NDUFA6: variants seen among roughly 807,000 people sequenced by gnomAD.
NDUFA6 encodes NADH dehydrogenase [ubiquinone] 1 alpha subcomplex subunit 6.
A neutral mutation model predicts 12.5 loss-of-function variants in NDUFA6; 10 were observed. The ratio of observed to expected loss-of-function variants is 0.80; its 90% confidence interval spans 0.49 to 1.35. The LOEUF is 1.35. NDUFA6 is among the 40% of genes most tolerant of loss of function. NDUFA6 has a pLI of 0.00. For missense variants in NDUFA6, 177 were observed against 173.5 expected (o/e 1.02, Z -0.11); for synonymous variants, 66 against 63.0 (o/e 1.05, Z -0.23).
intron 2 of NDUFA6, 136 bp downstream of exon 2, chr22:42,086,924 C>T: frequency 1.4e-6 from 1 of 727,774 alleles, no homozygotes. Flanking sequence ...TCAAGTATTT[C>T]TCTGAAACAC....
rs775481689 is a variant in NDUFA6, at chr22:42,087,085, C to T, written c.230G>A (p.Arg77Lys). The T allele has an allele frequency of 6.2e-7, 1 of 1,614,024 alleles. No individual in the cohort carries two copies. The highest frequency in any genetic ancestry group is 8.5e-7 in the Non-Finnish European group (1 of 1,179,872). Residue 77 changes from arginine (R) to lysine (K), a missense_variant, in exon 2 of 3, where the codon AGG (arginine) becomes AAG (lysine). Around this residue, in one of 3 missense-constraint regions of NDUFA6, gnomAD observed 62 missense variants for 69.4 expected, o/e 0.89. Transcript: ENST00000498737. Reference sequence around the variant, plus strand: ...CTTAATGACCAGAAGATCAACCACCCTGGGGTCTGTGACATGGGCATTCTT... The same window carrying T: ...CTTAATGACCAGAAGATCAACCACCTTGGGGTCTGTGACATGGGCATTCTT... ...FMKNAHVTDP[R>K]VVDLLVIKGK...
At chr22:42,088,336 A>AG in intron 1 of NDUFA6, among the ~76,000 whole-genome samples, 1 of 151,656 alleles carries the variant, frequency 6.6e-6, no homozygotes, top group East Asian at 2.0e-4. Flanking sequence ...GAACCCGGGA[A>AG]GCGGAGCTTG....
intron 1 of NDUFA6, 80 bp downstream of exon 1, chr22:42,090,526 G>GA (rs1928574350): frequency 2.5e-5 from 38 of 1,534,210 alleles, no homozygotes; most frequent in Non-Finnish European, 2.2e-5. Flanking sequence ...CCTCAGCTGG[G>GA]CCCATGAGAA....
chr22:42,089,176 T>G (rs777262240), intron 1 of NDUFA6, among the ~76,000 whole-genome samples: 18 of 151,834 alleles, frequency 1.2e-4, no homozygotes, highest in Non-Finnish European at 2.2e-4. Context: ...GGCCACTGAT[T>G]TACCCTTCAC....
rs1928591353 is a variant in NDUFA6 at position 42,090,662 on chromosome 22, GCCTCGTTCATGTCCC to G, written c.68_82del (p.Arg23_Ala28delinsPro). 6.2e-7 allele frequency: 1 copy of G among 1,614,068 alleles called. No individual in the cohort carries two copies. Among genetic ancestry groups the G allele is most frequent in the Non-Finnish European group, 8.5e-7 (1 of 1,180,046 alleles). ...GTAGAGCTCGCGCACCCTCCGCTTG[GCCTCGTTCATGTCCC>G]GACTGAAAATGGGCTTCACGAAGGT... is the stretch of plus-strand genomic sequence containing the variant. On this transcript the variant is annotated inframe_deletion, in exon 1 of 3. Transcript: ENST00000498737.
chr22:42,086,397 C>G, intron 2 of NDUFA6, 83 bp from the exon 3 acceptor site: 2 of 1,571,510 alleles, frequency 1.3e-6, no homozygotes, highest in African/African-American at 2.7e-5. Flanking sequence ...CTATTCTCTG[C>G]TCAGCATGGA....
chr22:42,090,463 G>T, intron 1 of NDUFA6, 143 bp downstream of exon 1: 1 of 1,016,484 alleles, frequency 9.8e-7, no homozygotes, highest in African/African-American at 1.6e-5. Context: ...TGGTAGGCTC[G>T]GGTGACCCTC....
rs548695663 is a variant in NDUFA6, at chr22:42,087,757, G to A, written c.140-582C>T. Among the ~76,000 whole-genome samples the A allele has an allele frequency of 3.7e-3, 560 of 150,238 alleles. 2 individuals carry two copies. The highest frequency in any genetic ancestry group is 0.024 in the Middle Eastern group (7 of 292). ...GTGGACCTTGCAGTGAGCCGAGGTC[G>A]CACCACTGCACTCCAGCCTGGGTGA... On this transcript the variant is annotated intron_variant, in intron 1 of 2. Coordinates refer to ENST00000498737, the MANE Select transcript of NDUFA6 (RefSeq NM_002490.6).
chr22:42,088,714 T>A (rs796558480), intron 1 of NDUFA6, among the ~76,000 whole-genome samples: 6 of 132,928 alleles, frequency 4.5e-5, no homozygotes, highest in African/African-American at 1.8e-4. Flanking sequence ...AGAGCGAGAC[T>A]CTGTCTCAAA....
chr22:42,086,453 T>C, intron 2 of NDUFA6, 139 bp from the exon 3 acceptor site: 1 of 1,077,688 alleles, frequency 9.3e-7, no homozygotes, highest in Non-Finnish European at 1.4e-6. Context: ...CTGGGCAAAG[T>C]TTCTATGTCT....
Position 42,086,403 on chromosome 22 carries a change from A to G in NDUFA6, c.256-89T>C. On this transcript the variant is annotated intron_variant, in intron 2 of 2. Transcript: ENST00000498737. ...GCCAGGATTCTATTCTCTGCTCAGC[A>G]TGGACTTGTTGAATGACCTTGGGCA... is the stretch of plus-strand genomic sequence containing the variant. 5 of 1,562,414 alleles carry G rather than the reference A, an allele frequency of 3.2e-6. No individual in the cohort carries two copies. The South Asian group carries it at 4.4e-5, about 14-fold the overall frequency.
At chr22:42,087,425 C>A (rs1928324567) in intron 1 of NDUFA6, 1 of 517,710 alleles carries the variant, frequency 1.9e-6, no homozygotes, top group Non-Finnish European at 3.5e-6. Flanking sequence ...AGAGTTTGAA[C>A]AACCTGGGTT....
At chr22:42,089,287 TTA>T (rs1555883738) in intron 1 of NDUFA6, among the ~76,000 whole-genome samples, 1 of 150,636 alleles carries the variant, frequency 6.6e-6, no homozygotes, top group Non-Finnish European at 1.5e-5. Flanking sequence ...CAGGCAAACA[TTA>T]TGTTTTCAAA....
intron 1 of NDUFA6, 143 bp from the exon 2 acceptor site, chr22:42,087,318 A>C (rs1928317739): frequency 2.9e-6 from 2 of 693,790 alleles, no homozygotes; most frequent in Non-Finnish European, 5.3e-6. Flanking sequence ...GTGCTTGAGG[A>C]TGAGACATGT....
At chr22:42,089,711 T>C (rs1928504514) in intron 1 of NDUFA6, 1 of 152,168 alleles carries the variant, frequency 6.6e-6, no homozygotes, top group Non-Finnish European at 1.5e-5. Context: ...TACAGTAACC[T>C]TCTGAAGAAG....
chr22:42,090,763 C>G lies in NDUFA6; in HGVS notation c.-19G>C. 1 of 1,614,240 alleles carries G rather than the reference C, an allele frequency of 6.2e-7. No individual in the cohort carries two copies. The highest frequency in any genetic ancestry group is 8.5e-7 in the Non-Finnish European group (1 of 1,180,058). ...CCGCCATCTTGCCAAAGCATCCACTCCACAACCCCACCCCTTTGCAAGCAG... is the reference window on the plus strand; with the variant it reads ...CCGCCATCTTGCCAAAGCATCCACTGCACAACCCCACCCCTTTGCAAGCAG... On this transcript the variant is annotated 5_prime_UTR_variant, in exon 1 of 3. Transcript: ENST00000498737.
chr22:42,085,958 T>C lies in NDUFA6; in HGVS notation c.*225A>G. On this transcript the variant is annotated 3_prime_UTR_variant, in exon 3 of 3. Transcript: ENST00000498737. ...CCTCCTTCCTTCCTGTTTACTGACA[T>C]GCAAGGCTCTGAGAAAAATAATTCA... 4 of 627,660 alleles carry C rather than the reference T, an allele frequency of 6.4e-6. No individual in the cohort carries two copies. Among genetic ancestry groups the C allele is most frequent in the South Asian group, 1.9e-5 (1 of 51,984 alleles). 38.9% of individuals were successfully genotyped at this position (627,660 alleles called of 1,614,324 possible). A position where few individuals can be genotyped will look rare whatever the true frequency, so the allele number is the denominator to read the frequency against.
At chr22:42,086,955 C>T in intron 2 of NDUFA6, 105 bp downstream of exon 2, 1 of 835,602 alleles carries the variant, frequency 1.2e-6, no homozygotes, top group Non-Finnish European at 2.1e-6. Context: ...ACTGCCGAAC[C>T]AGTAGCTGCT....
At chr22:42,087,009 G>A in intron 2 of NDUFA6, 51 bp downstream of exon 2, 1 of 1,225,340 alleles carries the variant, frequency 8.2e-7, no homozygotes. Context: ...AGACTAAGAA[G>A]TAGTGGACAA....
Sources: allele counts gnomAD v4.1 joint callset (sites outside exome capture counted in the v4.1 genomes callset), GRCh38; gene constraint gnomAD v4.1.1; regional missense constraint gnomAD v4.1.1; transcripts MANE v1.5; gene names NCBI Gene and HGNC (gene_info 2026-07-23, HGNC 2026-07-21).